FGGY: variants seen among roughly 807,000 people sequenced by gnomAD.
FGGY encodes FGGY carbohydrate kinase domain-containing protein.
A neutral mutation model predicts 71.3 loss-of-function variants in FGGY; 72 were observed. The observed-to-expected ratio is 1.01, with a 90% confidence interval of 0.84 to 1.23. The LOEUF is 1.23. Among genes scored for constraint, FGGY ranks in the 50% most tolerant of loss-of-function variants. The probability of loss-of-function intolerance (pLI) is 0.00; values close to 1 mark genes in which losing one functional copy is unlikely to be tolerated. For missense variants in FGGY, 668 were observed against 682.3 expected, an observed-to-expected ratio of 0.98 and a Z score of 0.23; for synonymous variants, 251 against 250.3, an observed-to-expected ratio of 1.00 and a Z score of -0.02.
At chr1:59,544,751 T>A (rs1360295528) in intron 7 of FGGY, among the ~76,000 whole-genome samples, 1 of 152,188 alleles carries the variant, frequency 6.6e-6, no homozygotes, top group Admixed American at 6.5e-5. Flanking sequence ...CACAGGAAAC[T>A]GGTGGTGAGA....
intron 5 of FGGY, among the ~76,000 whole-genome samples, chr1:59,422,036 A>G (rs1205564363): frequency 1.3e-5 from 2 of 152,160 alleles, no homozygotes. Flanking sequence ...ATCATTGCCT[A>G]TGTAGAAAAA....
intron 14 of FGGY, among the ~76,000 whole-genome samples, chr1:59,719,354 C>G (rs1302157021): frequency 6.6e-6 from 1 of 152,140 alleles, no homozygotes; most frequent in African/African-American, 2.4e-5. Flanking sequence ...AAATCCAGTT[C>G]TGCCACTTGC....
chr1:59,637,274 C>T (rs1191642627), intron 10 of FGGY, among the ~76,000 whole-genome samples: 1 of 152,052 alleles, frequency 6.6e-6, no homozygotes, highest in Non-Finnish European at 1.5e-5. Flanking sequence ...TTCACCTGAA[C>T]ATGTAAAGAA....
chr1:59,335,013 T>C (rs2049203819), intron 2 of FGGY, among the ~76,000 whole-genome samples: 1 of 152,212 alleles, frequency 6.6e-6, no homozygotes, highest in South Asian at 2.1e-4. Flanking sequence ...ACCTTACTAA[T>C]ATATCATGGA....
At chr1:59,491,073 T>TCTTTCTTTCCCTCCCTCCCTC (rs2093837678) in intron 6 of FGGY, among the ~76,000 whole-genome samples, 1 of 2,818 alleles carries the variant, frequency 3.5e-4, no homozygotes, top group East Asian at 0.014. Flanking sequence ...CTTCCTTCCT[T>TCTTTCTTTCCCTCCCTCCCTC]CCTTCCTTCC....
chr1:59,636,051 T>G (rs141849615), intron 10 of FGGY, among the ~76,000 whole-genome samples: 1 of 152,298 alleles, frequency 6.6e-6, no homozygotes, highest in East Asian at 1.9e-4. Context: ...CTGTAGTTGT[T>G]AAGCCTTTTC....
At chr1:59,304,789 G>A (rs1002003191) in intron 1 of FGGY, among the ~76,000 whole-genome samples, 4 of 151,832 alleles carry the variant, frequency 2.6e-5, no homozygotes, top group Non-Finnish European at 5.9e-5. Flanking sequence ...CACCTCCTTG[G>A]TAAATTTTTT....
At chr1:59,439,348 T>C (rs1472945296) in intron 5 of FGGY, among the ~76,000 whole-genome samples, 1 of 152,216 alleles carries the variant, frequency 6.6e-6, no homozygotes, top group East Asian at 1.9e-4. Flanking sequence ...CCAGAAACAT[T>C]ATTCTTTAAT....
intron 14 of FGGY, among the ~76,000 whole-genome samples, chr1:59,696,736 C>T (rs946943025): frequency 2.6e-5 from 4 of 152,026 alleles, no homozygotes; most frequent in African/African-American, 7.2e-5. Flanking sequence ...GAGTGGCTCG[C>T]AAAAAGGATC....
At chr1:59,645,146 G>C (rs1284656473) in intron 11 of FGGY, among the ~76,000 whole-genome samples, 3 of 152,224 alleles carry the variant, frequency 2.0e-5, no homozygotes, top group African/African-American at 7.2e-5. Flanking sequence ...GTTTGAACTT[G>C]TCTTGAAGAT....
chr1:59,762,247 G>A (rs975789502), intron 15 of FGGY, among the ~76,000 whole-genome samples: 1 of 151,990 alleles, frequency 6.6e-6, no homozygotes, highest in African/African-American at 2.4e-5. Flanking sequence ...CCACCACCAT[G>A]TCTGGCTAAT....
At chr1:59,762,066 ATT>A (rs3990362) in intron 15 of FGGY, among the ~76,000 whole-genome samples, 2,562 of 141,418 alleles carry the variant, frequency 0.018, 57 homozygotes, top group African/African-American at 0.056. Context: ...TCATTTAGGA[ATT>A]TTTTTTTTTT....
intron 14 of FGGY, among the ~76,000 whole-genome samples, chr1:59,729,268 C>T (rs575556872): frequency 7.9e-5 from 12 of 151,684 alleles, no homozygotes; most frequent in East Asian, 1.9e-4. Flanking sequence ...TTACATTGTC[C>T]GTTTGTGCAT....
rs536358649 is a variant in FGGY at position 59,680,488 on chromosome 1, GA to G, written c.1512+6369del. ...TTTAAGAGTTTTTTCGACCCCTCCA[GA>G]AAAAAAAAAAAAATAGAATAAAACA... On this transcript the variant is annotated intron_variant, in intron 14 of 15. Transcript: ENST00000303721. Among the ~76,000 whole-genome samples the G allele has an allele frequency of 9.4e-3, 732 of 77,908 alleles. 6 individuals are homozygous for G. The highest frequency in any genetic ancestry group is 0.029 in the African/African-American group (622 of 21,726). The allele number at this position is 77,908 out of a possible 152,430, so 51.1% of individuals were successfully genotyped here.
intron 1 of FGGY, among the ~76,000 whole-genome samples, chr1:59,308,334 G>T (rs1033203742): frequency 3.3e-5 from 5 of 152,114 alleles, no homozygotes; most frequent in African/African-American, 1.2e-4. Flanking sequence ...AGGACTAGAG[G>T]GTAGGAGCTA....
intron 5 of FGGY, among the ~76,000 whole-genome samples, chr1:59,432,200 C>T (rs1301073659): frequency 6.6e-6 from 1 of 152,174 alleles, no homozygotes; most frequent in East Asian, 1.9e-4. Flanking sequence ...GAAAGCTCCC[C>T]ACCCCTTCCC....
intron 5 of FGGY, among the ~76,000 whole-genome samples, chr1:59,415,962 C>T (rs1479686312): frequency 1.3e-5 from 2 of 152,146 alleles, no homozygotes; most frequent in African/African-American, 4.8e-5. Flanking sequence ...CCAACTATAC[C>T]CATGGAGAGG....
chr1:59,491,922 G>T (rs2093877776), intron 6 of FGGY, among the ~76,000 whole-genome samples: 1 of 152,016 alleles, frequency 6.6e-6, no homozygotes. Context: ...AGTTATAATA[G>T]ACGCGTGTCG....
At chr1:59,537,534 A>T (rs1216701175) in intron 7 of FGGY, among the ~76,000 whole-genome samples, 1 of 152,154 alleles carries the variant, frequency 6.6e-6, no homozygotes, top group Non-Finnish European at 1.5e-5. Flanking sequence ...AGCCCGCATC[A>T]CCAAGTCAAT....
Sources: allele counts gnomAD v4.1 joint callset (sites outside exome capture counted in the v4.1 genomes callset), GRCh38; gene constraint gnomAD v4.1.1; transcripts MANE v1.5; gene names NCBI Gene and HGNC (gene_info 2026-07-23, HGNC 2026-07-21).